The following FGD4 variants were observed in gnomAD, a reference collection of about 807,000 sequenced individuals.
FGD4 encodes FYVE, RhoGEF and PH domain containing 4.
FGD4 carries 42 observed loss-of-function variants against 102.0 expected under a neutral mutation model. The ratio of observed to expected loss-of-function variants is 0.41; its 90% CI spans 0.32 to 0.53. The LOEUF (loss-of-function observed/expected upper bound fraction) is 0.53. Ranked by LOEUF, FGD4 falls within the 20% of genes least tolerant of loss-of-function variation. The pLI, the probability that FGD4 is intolerant of heterozygous loss-of-function variation, is 0.21. For synonymous variants in FGD4, 380 were observed against 375.7 expected (o/e 1.01, Z -0.13); for missense variants, 902 against 1,078.2 (o/e 0.84, Z 2.29).
rs1491118045 is a variant in FGD4 at position 32,620,521 on chromosome 12, T to TTTCTTTTTTTC, written c.1922+653_1922+654insCTTTTTTTCTT. ...TAGCCATAACCATTTTTTTTCTTTC[T>TTTCTTTTTTTC]TTTTTTTTTTTTTTTTTTTTTTGAG... On this transcript the variant is annotated intron_variant, in intron 11 of 16. Coordinates refer to ENST00000534526, the MANE Select transcript of FGD4 (RefSeq NM_001370298.3). 4.7e-3 allele frequency among the ~76,000 whole-genome samples: 206 copies of TTTCTTTTTTTC among 43,370 alleles called. 4 individuals are homozygous for TTTCTTTTTTTC. The highest frequency in any genetic ancestry group is 0.019 in the African/African-American group (195 of 10,344). The allele number at this position is 43,370 out of a possible 152,430, so 28.5% of individuals were successfully genotyped here.
intron 1 of FGD4, among the ~76,000 whole-genome samples, chr12:32,468,138 A>G (rs912958623): frequency 6.6e-6 from 1 of 151,936 alleles, no homozygotes; most frequent in African/African-American, 2.4e-5. Flanking sequence ...AAACTCTTGG[A>G]CTCAAGCATT....
intron 1 of FGD4, among the ~76,000 whole-genome samples, chr12:32,539,725 TC>T (rs1021030807): frequency 1.3e-5 from 2 of 152,080 alleles, no homozygotes; most frequent in African/African-American, 2.4e-5. Flanking sequence ...AAAAAAAAGT[TC>T]CCTTCCCCAA....
chr12:32,633,050 T>A (rs1950584736), intron 14 of FGD4, among the ~76,000 whole-genome samples: 1 of 152,078 alleles, frequency 6.6e-6, no homozygotes, highest in Admixed American at 6.6e-5. Flanking sequence ...AAAAATAGAT[T>A]TAAGAAATAT....
intron 2 of FGD4, among the ~76,000 whole-genome samples, chr12:32,568,475 GT>G (rs1945371024): frequency 1.3e-5 from 2 of 152,164 alleles, no homozygotes; most frequent in Admixed American, 6.5e-5. Context: ...ATACTGGCCT[GT>G]TTCCTGCCAT....
chr12:32,577,223 A>G (rs1161664865), intron 3 of FGD4, among the ~76,000 whole-genome samples: 1 of 152,036 alleles, frequency 6.6e-6, no homozygotes, highest in African/African-American at 2.4e-5. Flanking sequence ...ACTGACTTAA[A>G]TATAATTTTA....
intron 10 of FGD4, among the ~76,000 whole-genome samples, chr12:32,614,742 A>G (rs1949348197): frequency 6.6e-6 from 1 of 152,358 alleles, no homozygotes; most frequent in South Asian, 2.1e-4. Flanking sequence ...TTCAGTTAAT[A>G]GTGTAAAAAC....
intron 4 of FGD4, among the ~76,000 whole-genome samples, chr12:32,594,817 G>A (rs886924488): frequency 6.6e-6 from 1 of 152,132 alleles, no homozygotes; most frequent in African/African-American, 2.4e-5. Flanking sequence ...GGAACACAAG[G>A]TCAGGAGTTC....
At chr12:32,400,394 A>G (rs957666304) in intron 1 of FGD4, among the ~76,000 whole-genome samples, 2 of 152,144 alleles carry the variant, frequency 1.3e-5, no homozygotes, top group Non-Finnish European at 2.9e-5. Flanking sequence ...GTGGTGAGCA[A>G]CCTTCTTAGT....
intron 1 of FGD4, among the ~76,000 whole-genome samples, chr12:32,503,289 G>C (rs192122486): frequency 1.3e-5 from 2 of 152,308 alleles, no homozygotes; most frequent in Non-Finnish European, 2.9e-5. Flanking sequence ...ACTTGATAGA[G>C]GAAAGGTTGC....
chr12:32,610,739 A>C, intron 8 of FGD4, 37 bp from the exon 9 acceptor site: 1 of 1,581,654 alleles, frequency 6.3e-7, no homozygotes, highest in Non-Finnish European at 8.7e-7. Flanking sequence ...AGGAAGGACA[A>C]AGCATATTTA....
chr12:32,525,229 G>A (rs1026004495), intron 1 of FGD4, among the ~76,000 whole-genome samples: 8 of 152,282 alleles, frequency 5.3e-5, no homozygotes, highest in Non-Finnish European at 8.8e-5. Context: ...CAGGTGCAAG[G>A]AGGGCAAAGA....
At chr12:32,429,154 C>T (rs1372145610) in intron 1 of FGD4, among the ~76,000 whole-genome samples, 2 of 152,214 alleles carry the variant, frequency 1.3e-5, no homozygotes, top group South Asian at 2.1e-4. Context: ...TCCTCATCTT[C>T]ATGAATTTAT....
chr12:32,527,730 A>G (rs1378187988), intron 1 of FGD4, among the ~76,000 whole-genome samples: 1 of 151,820 alleles, frequency 6.6e-6, no homozygotes, highest in African/African-American at 2.4e-5. Context: ...CGCCCAGCCT[A>G]TCTTAGTATT....
chr12:32,477,106 G>A (rs1006083145), intron 1 of FGD4, among the ~76,000 whole-genome samples: 1 of 152,152 alleles, frequency 6.6e-6, no homozygotes, highest in Admixed American at 6.5e-5. Flanking sequence ...TGGCCAACAT[G>A]GCGAAACCCT....
chr12:32,512,926 G>T (rs1939536654), intron 1 of FGD4, among the ~76,000 whole-genome samples: 1 of 152,176 alleles, frequency 6.6e-6, no homozygotes, highest in Non-Finnish European at 1.5e-5. Context: ...GAGAATAGAT[G>T]AAATGGAGTC....
At chr12:32,640,073 C>G (rs908711510) in intron 16 of FGD4, among the ~76,000 whole-genome samples, 3 of 152,102 alleles carry the variant, frequency 2.0e-5, no homozygotes, top group Non-Finnish European at 4.4e-5. Context: ...TGGGTGTCAG[C>G]TCTCATTCAT....
At chr12:32,581,783 A>G (rs1946637633) in intron 3 of FGD4, 177 bp from the exon 4 acceptor site, 1 of 638,982 alleles carries the variant, frequency 1.6e-6, no homozygotes, top group Non-Finnish European at 2.6e-6. Context: ...TTAAATGTGG[A>G]TAGCATCCCA....
rs1441099481 is a variant in FGD4, at chr12:32,485,289, A to C, written c.167-78848A>C. On this transcript the variant is annotated intron_variant, in intron 1 of 16. Transcript: ENST00000534526. ...TTGGGATTGCTAGGTAACCCGCATAACCATTCCTGGAAAAAAATGGAAGGC... is the reference window on the plus strand; with the variant it reads ...TTGGGATTGCTAGGTAACCCGCATACCCATTCCTGGAAAAAAATGGAAGGC... Among the ~76,000 whole-genome samples, 3 of 152,250 alleles carry C rather than the reference A, an allele frequency of 2.0e-5. No individual in the cohort carries two copies. In the East Asian group the frequency reaches 5.8e-4, roughly 29 times the overall value.
At chr12:32,626,089 A>T (rs1950149788) in intron 14 of FGD4, among the ~76,000 whole-genome samples, 1 of 152,222 alleles carries the variant, frequency 6.6e-6, no homozygotes, top group Non-Finnish European at 1.5e-5. Flanking sequence ...AAGATTTGGA[A>T]CCAATTTTGG....
Sources: gnomAD v4.1 joint callset for allele counts (sites outside exome capture counted in the v4.1 genomes callset) on GRCh38, gnomAD v4.1.1 for gene constraint, MANE v1.5 for transcripts, NCBI Gene and HGNC (gene_info 2026-07-23, HGNC 2026-07-21) for gene names.